Variants in ADAMTSL1 observed in about 807,000 individuals in gnomAD.
The protein encoded by ADAMTSL1 is ADAMTS-like protein 1.
ADAMTSL1 carries 126 observed loss-of-function variants against 201.8 expected under a neutral mutation model. The observed-to-expected ratio is 0.62, with a 90% CI of 0.54 to 0.72. The LOEUF (loss-of-function observed/expected upper bound fraction) is 0.72. Among genes scored for constraint, ADAMTSL1 ranks in the 30% least tolerant of loss-of-function variants. The probability of loss-of-function intolerance (pLI) is 0.00; values close to 1 mark genes in which losing one functional copy is unlikely to be tolerated. For synonymous variants in ADAMTSL1, 1,121 were observed against 903.4 expected (o/e 1.24, Z -4.32); for missense variants, 2,679 against 2,277.8 (o/e 1.18, Z -3.59).
chr9:18,079,017 G>A (rs1241385550), intron 1 of ADAMTSL1, among the ~76,000 whole-genome samples: 1 of 152,154 alleles, frequency 6.6e-6, no homozygotes, highest in South Asian at 2.1e-4. Flanking sequence ...GTCAGAACCT[G>A]TATCTGTGGA....
intron 3 of ADAMTSL1, among the ~76,000 whole-genome samples, chr9:18,562,441 C>A (rs1277710496): frequency 6.6e-6 from 1 of 152,122 alleles, no homozygotes; most frequent in African/African-American, 2.4e-5. Context: ...TCTCTGGCTG[C>A]CCTTAACATT....
chr9:18,353,518 G>A (rs1836070280), intron 2 of ADAMTSL1, among the ~76,000 whole-genome samples: 1 of 152,142 alleles, frequency 6.6e-6, no homozygotes. Flanking sequence ...GGTGAACATG[G>A]ACATGCTCTT....
At chr9:17,986,832 C>T (rs901222164) in intron 1 of ADAMTSL1, among the ~76,000 whole-genome samples, 3 of 152,180 alleles carry the variant, frequency 2.0e-5, no homozygotes, top group South Asian at 4.1e-4. Context: ...TAGGTGCAAA[C>T]ATTACCTCAT....
chr9:18,257,381 A>G (rs1334935806), intron 2 of ADAMTSL1, among the ~76,000 whole-genome samples: 7 of 152,236 alleles, frequency 4.6e-5, no homozygotes, highest in African/African-American at 1.7e-4. Flanking sequence ...CATTTTCTCT[A>G]AAGATATACA....
intron 2 of ADAMTSL1, among the ~76,000 whole-genome samples, chr9:18,403,486 T>TC (rs1445321994): frequency 1.3e-5 from 2 of 152,144 alleles, no homozygotes; most frequent in African/African-American, 4.8e-5. Flanking sequence ...GCCTGGCCCT[T>TC]CCCCATTTAA....
In ADAMTSL1 at chr9:18,068,509, G is replaced by T. The variant is rs574482577; in HGVS notation, c.88-95353G>T. 4.9e-4 allele frequency among the ~76,000 whole-genome samples: 75 copies of T among 151,984 alleles called. No individual in the cohort carries two copies. In the East Asian group the frequency reaches 0.012, roughly 24 times the overall value. On this transcript the variant is annotated intron_variant, in intron 1 of 29. Transcript: ENST00000680146. ...ACATGTATGGATTTTGCTATTCTCT[G>T]GGGTTCTAGAACCAATCCTCCATGG...
At chr9:18,487,348 A>G (rs2131837985) in intron 1 of ADAMTSL1, among the ~76,000 whole-genome samples, 1 of 152,336 alleles carries the variant, frequency 6.6e-6, no homozygotes, top group Admixed American at 6.5e-5. Context: ...CAGCATTAGT[A>G]CAAAATTGAT....
intron 2 of ADAMTSL1, among the ~76,000 whole-genome samples, chr9:18,295,587 G>A (rs1342848218): frequency 2.6e-5 from 4 of 152,010 alleles, no homozygotes; most frequent in South Asian, 4.1e-4. Context: ...ATCTGCCTGC[G>A]TCGGCCTCCC....
chr9:18,062,278 T>G (rs1822491011), intron 1 of ADAMTSL1, among the ~76,000 whole-genome samples: 1 of 152,244 alleles, frequency 6.6e-6, no homozygotes, highest in Non-Finnish European at 1.5e-5. Context: ...GCTCATTTTA[T>G]GCAGATCTTT....
At chr9:18,348,299 G>A (rs1835813679) in intron 2 of ADAMTSL1, among the ~76,000 whole-genome samples, 1 of 152,052 alleles carries the variant, frequency 6.6e-6, no homozygotes, top group South Asian at 2.1e-4. Flanking sequence ...CACGGGTTAG[G>A]GCCAGCACAC....
chr9:18,798,961 A>G (rs1295831297), intron 20 of ADAMTSL1, among the ~76,000 whole-genome samples: 1 of 151,946 alleles, frequency 6.6e-6, no homozygotes, highest in Non-Finnish European at 1.5e-5. Context: ...GCTCCTCTCT[A>G]AACTCTTCCA....
At chr9:18,662,819 C>T (rs995470629) in intron 9 of ADAMTSL1, among the ~76,000 whole-genome samples, 3 of 152,090 alleles carry the variant, frequency 2.0e-5, no homozygotes, top group Admixed American at 1.3e-4. Context: ...ATAGGTGTAA[C>T]GTTTGCCTTT....
At chr9:17,994,055 C>T (rs1207532166) in intron 1 of ADAMTSL1, among the ~76,000 whole-genome samples, 1 of 151,278 alleles carries the variant, frequency 6.6e-6, no homozygotes, top group East Asian at 2.0e-4. Flanking sequence ...CCCCTCATTA[C>T]AGATTATTGC....
At chr9:18,032,033 T>C (rs1351289311) in intron 1 of ADAMTSL1, among the ~76,000 whole-genome samples, 3 of 152,208 alleles carry the variant, frequency 2.0e-5, no homozygotes, top group Non-Finnish European at 4.4e-5. Context: ...CCTTCTAGTG[T>C]CTTCCCTAGG....
intron 15 of ADAMTSL1, among the ~76,000 whole-genome samples, chr9:18,739,489 G>A (rs549343980): frequency 2.6e-5 from 4 of 152,118 alleles, no homozygotes; most frequent in Admixed American, 2.0e-4. Context: ...AACAAATGAG[G>A]GATTTAATAA....
chr9:18,078,735 C>T (rs1355419369), intron 1 of ADAMTSL1, among the ~76,000 whole-genome samples: 4 of 152,116 alleles, frequency 2.6e-5, no homozygotes, highest in African/African-American at 9.7e-5. Context: ...TTCTCAGCTC[C>T]TAGATTTCCA....
chr9:18,496,078 T>C (rs1753468351), intron 1 of ADAMTSL1, among the ~76,000 whole-genome samples: 1 of 152,208 alleles, frequency 6.6e-6, no homozygotes, highest in Non-Finnish European at 1.5e-5. Flanking sequence ...CACCCCTGCC[T>C]TCAAAGAGCT....
At chr9:18,015,704 T>C (rs984543292) in intron 1 of ADAMTSL1, among the ~76,000 whole-genome samples, 3 of 152,148 alleles carry the variant, frequency 2.0e-5, no homozygotes, top group Admixed American at 6.5e-5. Context: ...GAGGGCTGCC[T>C]GACCCTAAGC....
chr9:18,099,808 A>C (rs1487486036), intron 1 of ADAMTSL1, among the ~76,000 whole-genome samples: 1 of 151,422 alleles, frequency 6.6e-6, no homozygotes, highest in Admixed American at 6.6e-5. Context: ...TTGCATTTTT[A>C]GTAGAGACGG....
Sources: gnomAD v4.1 joint callset for allele counts (sites outside exome capture counted in the v4.1 genomes callset) on GRCh38, gnomAD v4.1.1 for gene constraint, MANE v1.5 for transcripts, NCBI Gene and HGNC (gene_info 2026-07-23, HGNC 2026-07-21) for gene names.